Variants in EPHA8 observed in about 807,000 individuals in gnomAD.
The protein encoded by EPHA8 is EPH receptor A8.
Under a neutral mutation model 103.6 loss-of-function variants are expected in EPHA8, and 58 were observed. The observed-to-expected ratio is 0.56, with a 90% CI of 0.45 to 0.70. The LOEUF (loss-of-function observed/expected upper bound fraction) is 0.70, where lower values mean the gene tolerates loss of function less well. Among genes scored for constraint, EPHA8 ranks in the 30% least tolerant of loss-of-function variants. The pLI, the probability that EPHA8 is intolerant of heterozygous loss-of-function variation, is 0.00. For synonymous variants in EPHA8, 559 were observed against 572.5 expected (o/e 0.98, Z 0.34); for missense variants, 1,304 against 1,395.2 (o/e 0.93, Z 1.04).
At position 22,597,520 on chromosome 1, in the gene EPHA8, G is replaced by A; in HGVS notation, c.1930+44G>A. On this transcript the variant is annotated intron_variant, in intron 10 of 16. Transcript: ENST00000166244. The surrounding 1 kb of genome is among the most constrained non-coding windows in gnomAD (Gnocchi z 4.6). ...GAGGGCGGGGCCAGCATGGGGCAAGGTGGGGGCACCCAGGGCAAGGTGGGG... is the reference window on the plus strand; with the variant it reads ...GAGGGCGGGGCCAGCATGGGGCAAGATGGGGGCACCCAGGGCAAGGTGGGG... The A allele has an allele frequency of 1.3e-6, 2 of 1,595,276 alleles. No homozygotes were observed. The highest frequency in any genetic ancestry group is 1.7e-6 in the Non-Finnish European group (2 of 1,169,602).
At chr1:22,584,474 T>C (rs1002861783) in intron 3 of EPHA8, among the ~76,000 whole-genome samples, 2 of 152,240 alleles carry the variant, frequency 1.3e-5, no homozygotes, top group African/African-American at 4.8e-5. Flanking sequence ...CCATTTCTCC[T>C]GACTCCAGGT....
At position 22,576,154 on chromosome 1, in the gene EPHA8, T is replaced by A. The variant is rs2124519696; in HGVS notation, c.160-63T>A. ...AGCGTCCCCAGCACAGAACACAGGG[T>A]CATTGGCAAAAGAGGGTGAGGTGCT... is the stretch of plus-strand genomic sequence containing the variant. On this transcript the variant is annotated intron_variant, in intron 2 of 16. Coordinates refer to ENST00000166244, the MANE Select transcript of EPHA8 (RefSeq NM_020526.5). The surrounding 1 kb of genome is among the most constrained non-coding windows in gnomAD (Gnocchi z 4.8). 1.3e-6 allele frequency: 2 copies of A among 1,530,052 alleles called. No individual in the cohort carries two copies. Among genetic ancestry groups the A allele is most frequent in the East Asian group, 4.5e-5 (2 of 44,108 alleles). 94.8% of individuals were successfully genotyped at this position (1,530,052 alleles called of 1,614,324 possible).
chr1:22,601,405 C>T lies in EPHA8; in HGVS notation c.2835C>T (p.Gly945=). 2 of 1,611,466 alleles carry T rather than the reference C, an allele frequency of 1.2e-6. No homozygotes were observed. Among genetic ancestry groups the T allele is most frequent in the African/African-American group, 1.3e-5 (1 of 75,040 alleles). Residue 945 remains glycine, a synonymous_variant, in exon 16 of 17, where the codon GGC becomes GGT. Coordinates refer to ENST00000166244, the MANE Select transcript of EPHA8 (RefSeq NM_020526.5). ...ACTGGCTGGACTCCATCCGCATGGG[C>T]CGGTACCGAGACCACTTCGCTGCGG... ...VGDWLDSIRM[G]RYRDHFAAGG... is the part of the protein sequence containing the mutation.
intron 7 of EPHA8, 40 bp downstream of exon 7, chr1:22,593,726 G>C (rs1293294495): frequency 2.0e-6 from 3 of 1,503,610 alleles, no homozygotes; most frequent in Non-Finnish European, 2.7e-6. Flanking sequence ...AGCAGCCCAG[G>C]TGCCAGGACC....
In EPHA8 at chr1:22,598,739, G is replaced by A. The variant is rs765590431; in HGVS notation, c.2179-99G>A. On this transcript the variant is annotated intron_variant, in intron 12 of 16. Transcript: ENST00000166244. The surrounding 1 kb of genome is among the most constrained non-coding windows in gnomAD (Gnocchi z 5.1). ...CGCACTTGGCAAATTGCAAAGCACC[G>A]TCTCAACTCGAGAGCATCCTACAGA... 4.7e-5 allele frequency: 59 copies of A among 1,248,930 alleles called. No homozygotes were observed. Among genetic ancestry groups the A allele is most frequent in the African/African-American group, 8.9e-5 (6 of 67,434 alleles). The allele number at this position is 1,248,930 out of a possible 1,614,324, so 77.4% of individuals were successfully genotyped here. A position where few individuals can be genotyped will look rare whatever the true frequency, so the allele number is the denominator to read the frequency against.
chr1:22,590,430 C>T (rs909122987), intron 5 of EPHA8, among the ~76,000 whole-genome samples: 4 of 152,194 alleles, frequency 2.6e-5, no homozygotes, highest in African/African-American at 9.7e-5. Context: ...GTATCTACTT[C>T]TTCCTCTCCT....
At position 22,567,798 on chromosome 1, in the gene EPHA8, C is replaced by T. The variant is rs930619537; in HGVS notation, c.95-1491C>T. Among the ~76,000 whole-genome samples the T allele has an allele frequency of 3.3e-5, 5 of 152,302 alleles. No homozygotes were observed. The highest frequency in any genetic ancestry group is 2.1e-4 in the South Asian group (1 of 4,828). Reference sequence around the variant, plus strand: ...CCAGGAGAGCTCCACCTTTAACCCCCGTCACCTGCCCAAGCCCGCTGATTG... The same window carrying T: ...CCAGGAGAGCTCCACCTTTAACCCCTGTCACCTGCCCAAGCCCGCTGATTG... On this transcript the variant is annotated intron_variant, in intron 1 of 16. Coordinates refer to ENST00000166244, the MANE Select transcript of EPHA8 (RefSeq NM_020526.5). The surrounding 1 kb of genome is among the most constrained non-coding windows in gnomAD (Gnocchi z 4.2).
At chr1:22,575,879 A>G (rs1239137622) in intron 2 of EPHA8, among the ~76,000 whole-genome samples, 1 of 152,152 alleles carries the variant, frequency 6.6e-6, no homozygotes, top group Non-Finnish European at 1.5e-5. Flanking sequence ...TCTAAGAAAG[A>G]TAGGAGGAGC....
intron 3 of EPHA8, among the ~76,000 whole-genome samples, chr1:22,584,405 C>T (rs539447898): frequency 6.6e-6 from 1 of 152,250 alleles, no homozygotes; most frequent in African/African-American, 2.4e-5. Flanking sequence ...CACTCTGCAA[C>T]TTACAAGCTC....
intron 3 of EPHA8, among the ~76,000 whole-genome samples, chr1:22,585,173 C>T (rs569638390): frequency 2.6e-5 from 4 of 152,254 alleles, no homozygotes; most frequent in South Asian, 2.1e-4. Flanking sequence ...GCAAAGGCCC[C>T]GAGGCAGGAA....
Position 22,598,068 on chromosome 1 carries a change from A to C in EPHA8, c.2117-83A>C, listed in dbSNP as rs972632651. 3.1e-5 allele frequency: 46 copies of C among 1,507,128 alleles called. No homozygotes were observed. Among genetic ancestry groups the C allele is most frequent in the Middle Eastern group, 1.7e-4 (1 of 5,876 alleles). The allele number at this position is 1,507,128 out of a possible 1,614,324, so 93.4% of individuals were successfully genotyped here. ...GTTTCCAGTGCTGGCACAGGTCCTG[A>C]GATGGTGGTATGCTCCTGGGGTCTC... On this transcript the variant is annotated intron_variant, in intron 11 of 16. Transcript: ENST00000166244. The surrounding 1 kb of genome is among the most constrained non-coding windows in gnomAD (Gnocchi z 5.1).
At chr1:22,578,458 ATGCATGTGTGTGCATGTGCATGAGTGTG>A (rs1188437854) in intron 3 of EPHA8, among the ~76,000 whole-genome samples, 18 of 119,046 alleles carry the variant, frequency 1.5e-4, no homozygotes, top group Non-Finnish European at 2.6e-4. Context: ...GTGCGAGTGT[ATGCATGTGTGTGCATGTGCATGAGTGTG>A]TGCATGTGTG....
chr1:22,578,059 G>GAGTA (rs1288688935), intron 3 of EPHA8, among the ~76,000 whole-genome samples: 13 of 32,018 alleles, frequency 4.1e-4, no homozygotes, highest in Admixed American at 9.4e-4. Flanking sequence ...GTGTGTGCAT[G>GAGTA]TGTGCATGAG....
chr1:22,601,164 T>C (rs1641715770), intron 15 of EPHA8, 76 bp downstream of exon 15: 13 of 1,542,160 alleles, frequency 8.4e-6, no homozygotes, highest in Non-Finnish European at 1.1e-5. Context: ...CTGGGACAGT[T>C]TGGCCCTGAC....
At chr1:22,595,189 G>A (rs775109042) in intron 7 of EPHA8, 41 bp from the exon 8 acceptor site, 70 of 1,557,596 alleles carry the variant, frequency 4.5e-5, no homozygotes, top group Non-Finnish European at 6.1e-5. Flanking sequence ...CCAAGGCCAG[G>A]GCTGAGAGCC....
At chr1:22,578,210 G>GCA (rs1640827269) in intron 3 of EPHA8, among the ~76,000 whole-genome samples, 1 of 130,190 alleles carries the variant, frequency 7.7e-6, no homozygotes, top group Non-Finnish European at 1.6e-5. Context: ...GTGCGAGTGT[G>GCA]TGCGTGTGAG....
At chr1:22,568,215 A>C (rs1367183212) in intron 1 of EPHA8, among the ~76,000 whole-genome samples, 1 of 152,122 alleles carries the variant, frequency 6.6e-6, no homozygotes, top group African/African-American at 2.4e-5. Flanking sequence ...CAGATGAGAA[A>C]ATTGAGGGTC....
chr1:22,578,342 A>G (rs1254340078), intron 3 of EPHA8, among the ~76,000 whole-genome samples: 1 of 138,248 alleles, frequency 7.2e-6, no homozygotes, highest in African/African-American at 2.7e-5. Flanking sequence ...GAGTGTATGC[A>G]TGTGTGTATG....
chr1:22,575,827 T>C (rs1039839849), intron 2 of EPHA8, among the ~76,000 whole-genome samples: 1 of 152,108 alleles, frequency 6.6e-6, no homozygotes, highest in Non-Finnish European at 1.5e-5. Context: ...GCAGCTGATA[T>C]GGAAACTGGA....
Sources: allele counts gnomAD v4.1 joint callset (sites outside exome capture counted in the v4.1 genomes callset), GRCh38; gene constraint gnomAD v4.1.1; non-coding constraint Gnocchi (gnomAD v3.1); transcripts MANE v1.5; gene names NCBI Gene and HGNC (gene_info 2026-07-23, HGNC 2026-07-21).